TAFA2: variants seen among roughly 807,000 people sequenced by gnomAD.
The protein encoded by TAFA2 is chemokine-like protein TAFA-2.
TAFA2 carries 7 observed loss-of-function variants against 18.8 expected under a neutral mutation model. The ratio of observed to expected loss-of-function variants is 0.37; its 90% CI spans 0.21 to 0.70. The LOEUF (loss-of-function observed/expected upper bound fraction) is 0.70. Among genes scored for constraint, TAFA2 ranks in the 30% least tolerant of loss-of-function variants. TAFA2 has a pLI of 0.53. For synonymous variants in TAFA2, 60 were observed against 54.2 expected, an observed-to-expected ratio of 1.11 and a Z score of -0.47; for missense variants, 122 against 158.1, an observed-to-expected ratio of 0.77 and a Z score of 1.23.
intron 1 of TAFA2, among the ~76,000 whole-genome samples, chr12:62,182,060 C>T (rs1489592482): frequency 2.0e-5 from 3 of 146,934 alleles, no homozygotes; most frequent in Admixed American, 1.4e-4. Flanking sequence ...AAAATTTTGA[C>T]ATCTAAGCCC....
chr12:62,068,564 T>C (rs1418232552), intron 1 of TAFA2, among the ~76,000 whole-genome samples: 1 of 152,128 alleles, frequency 6.6e-6, no homozygotes, highest in Non-Finnish European at 1.5e-5. Flanking sequence ...TTACAATAGT[T>C]AAGCAAGGGG....
At chr12:61,906,420 G>A (rs777056026) in intron 1 of TAFA2, among the ~76,000 whole-genome samples, 21 of 152,252 alleles carry the variant, frequency 1.4e-4, no homozygotes, top group African/African-American at 2.4e-4. Flanking sequence ...CATGTAAGAC[G>A]TGACTTTGTT....
chr12:62,181,470 T>C (rs185027512), intron 1 of TAFA2, among the ~76,000 whole-genome samples: 1 of 152,304 alleles, frequency 6.6e-6, no homozygotes, highest in African/African-American at 2.4e-5. Flanking sequence ...TTCTATATAG[T>C]AGAAACTTGT....
At chr12:61,991,816 A>G (rs1403199325) in intron 1 of TAFA2, among the ~76,000 whole-genome samples, 4 of 152,184 alleles carry the variant, frequency 2.6e-5, no homozygotes, top group African/African-American at 2.4e-5. Context: ...AAGGTCACCA[A>G]TGATTTTAAC....
intron 1 of TAFA2, among the ~76,000 whole-genome samples, chr12:62,185,084 C>T (rs1052209504): frequency 7.2e-5 from 11 of 152,180 alleles, no homozygotes; most frequent in South Asian, 2.1e-4. Flanking sequence ...TAAATTCTGA[C>T]CCAATTCTGA....
intron 1 of TAFA2, among the ~76,000 whole-genome samples, chr12:61,908,936 C>A (rs990299969): frequency 7.2e-5 from 11 of 152,188 alleles, no homozygotes; most frequent in African/African-American, 2.7e-4. Context: ...TCAGTTTATT[C>A]TCCTGCCTAA....
At chr12:61,801,338 G>A (rs904247693) in intron 2 of TAFA2, among the ~76,000 whole-genome samples, 1 of 152,000 alleles carries the variant, frequency 6.6e-6, no homozygotes, top group Admixed American at 6.6e-5. Flanking sequence ...AAAGAACAAA[G>A]CTGAAGGCAT....
Position 61,899,851 on chromosome 12 carries a change from A to G in TAFA2, c.-1-32425T>C, listed in dbSNP as rs75782491. Among the ~76,000 whole-genome samples the G allele has an allele frequency of 2.1e-3, 317 of 152,322 alleles. 1 individual carries two copies. Among genetic ancestry groups the G allele is most frequent in the African/African-American group, 7.4e-3 (306 of 41,566 alleles). ...ATTTATGTAGCGTTCATATTCTATT[A>G]GGTATTATAAGTGATCTAGAGATGA... On this transcript the variant is annotated intron_variant, in intron 1 of 4. Coordinates refer to ENST00000416284, the MANE Select transcript of TAFA2 (RefSeq NM_178539.5).
At chr12:61,777,172 A>G (rs1339658309) in intron 2 of TAFA2, among the ~76,000 whole-genome samples, 2 of 151,922 alleles carry the variant, frequency 1.3e-5, no homozygotes, top group Non-Finnish European at 2.9e-5. Context: ...TCAAAGACTA[A>G]GGCAGCCTTC....
At chr12:61,713,885 A>G (rs1869527539) in intron 4 of TAFA2, among the ~76,000 whole-genome samples, 2 of 152,324 alleles carry the variant, frequency 1.3e-5, no homozygotes, top group African/African-American at 2.4e-5. Context: ...TGCTTAAGCA[A>G]TATTTATACA....
intron 2 of TAFA2, among the ~76,000 whole-genome samples, chr12:61,767,263 G>A (rs1161189008): frequency 6.6e-6 from 1 of 151,956 alleles, no homozygotes; most frequent in African/African-American, 2.4e-5. Flanking sequence ...TTACTTATTT[G>A]GACTTTAGTT....
intron 2 of TAFA2, among the ~76,000 whole-genome samples, chr12:61,859,501 T>C (rs1260762901): frequency 1.3e-5 from 2 of 152,344 alleles, no homozygotes; most frequent in East Asian, 3.9e-4. Flanking sequence ...TGGAGTGCAG[T>C]GGCGTGATCT....
At chr12:62,054,483 G>A (rs966694640) in intron 1 of TAFA2, among the ~76,000 whole-genome samples, 2 of 152,096 alleles carry the variant, frequency 1.3e-5, no homozygotes, top group African/African-American at 4.8e-5. Flanking sequence ...TGGATAAAAA[G>A]TACAAGATAC....
intron 1 of TAFA2, among the ~76,000 whole-genome samples, chr12:62,045,544 TAAAATATTCACAAACAACC>T (rs1334830575): frequency 3.9e-5 from 6 of 152,126 alleles, no homozygotes; most frequent in Non-Finnish European, 7.4e-5. Context: ...AAGCCAAAAA[TAAAATATTCACAAACAACC>T]AAAATATTTA....
intron 1 of TAFA2, among the ~76,000 whole-genome samples, chr12:62,059,317 T>TA (rs1254400470): frequency 2.0e-5 from 3 of 151,696 alleles, no homozygotes; most frequent in Admixed American, 6.6e-5. Context: ...ACCCAGTCTC[T>TA]AAAAAAATAA....
intron 1 of TAFA2, among the ~76,000 whole-genome samples, chr12:62,011,816 G>C (rs530317087): frequency 2.9e-4 from 43 of 150,600 alleles, no homozygotes; most frequent in African/African-American, 1.0e-3. Flanking sequence ...GTATAAGACA[G>C]ACCAGAGTTA....
chr12:62,116,415 T>C (rs1592345732), intron 1 of TAFA2, among the ~76,000 whole-genome samples: 2 of 152,278 alleles, frequency 1.3e-5, no homozygotes, highest in East Asian at 1.9e-4. Flanking sequence ...TAATTACAGG[T>C]GTTCCATTGC....
chr12:62,064,493 CA>C (rs1882435954), intron 1 of TAFA2, among the ~76,000 whole-genome samples: 1 of 151,974 alleles, frequency 6.6e-6, no homozygotes, highest in African/African-American at 2.4e-5. Flanking sequence ...GGCAACTTGT[CA>C]GCCAAGAACA....
intron 2 of TAFA2, among the ~76,000 whole-genome samples, chr12:61,816,351 A>T (rs1343889651): frequency 6.6e-6 from 1 of 151,432 alleles, no homozygotes; most frequent in Non-Finnish European, 1.5e-5. Context: ...AAAAGACATG[A>T]TCTTTTTCTT....
Sources: allele counts gnomAD v4.1 joint callset (sites outside exome capture counted in the v4.1 genomes callset), GRCh38; gene constraint gnomAD v4.1.1; transcripts MANE v1.5; gene names NCBI Gene and HGNC (gene_info 2026-07-23, HGNC 2026-07-21).